Variants in PCDHA5 observed in about 807,000 individuals in gnomAD.
PCDHA5 encodes the protein protocadherin alpha 5, also known as protocadherin alpha-5.
In PCDHA5, 43 loss-of-function variants were observed where a neutral mutation model predicts 61.6. The observed-to-expected ratio is 0.70, with a 90% CI of 0.55 to 0.90. PCDHA5 has a LOEUF of 0.90. PCDHA5 is among the 40% of genes least tolerant of loss of function. The pLI is 0.00. For missense variants in PCDHA5, 1,298 were observed against 1,222.7 expected, an observed-to-expected ratio of 1.06 and a Z score of -0.92; for synonymous variants, 627 against 543.9, an observed-to-expected ratio of 1.15 and a Z score of -2.13.
intron 1 of PCDHA5, chr5:140,835,757 C>T (rs1467581889): frequency 2.5e-6 from 4 of 1,613,278 alleles, no homozygotes; most frequent in Admixed American, 1.7e-5. Context: ...TCGCGCAGCC[C>T]GAGTATACGG....
intron 1 of PCDHA5, chr5:140,929,314 G>A: frequency 6.4e-7 from 1 of 1,560,184 alleles, no homozygotes; most frequent in Non-Finnish European, 8.7e-7. Flanking sequence ...TCACGCTAAT[G>A]TCAATGCCAT....
intron 3 of PCDHA5, among the ~76,000 whole-genome samples, chr5:140,993,766 C>T (rs567978996): frequency 9.2e-5 from 14 of 152,082 alleles, no homozygotes; most frequent in African/African-American, 1.7e-4. Context: ...ATTACAATTG[C>T]GCAGTATTTT....
chr5:140,856,236 TC>T (rs1554148438), intron 1 of PCDHA5: 2 of 1,597,912 alleles, frequency 1.3e-6, no homozygotes, highest in East Asian at 2.2e-5. Context: ...CAGCGCCTGT[TC>T]CGGGTGGCGT....
intron 1 of PCDHA5, chr5:140,856,680 T>C: frequency 6.3e-7 from 1 of 1,596,810 alleles, no homozygotes. Context: ...AAGTTGTTGT[T>C]GACAGCAACT....
chr5:140,849,699 A>G, intron 1 of PCDHA5: 1 of 1,598,608 alleles, frequency 6.3e-7, no homozygotes, highest in Non-Finnish European at 8.6e-7. Flanking sequence ...GTCCACCTAC[A>G]AGAATTACTA....
At chr5:140,876,607 T>G (rs1480667665) in intron 1 of PCDHA5, 7 of 1,614,068 alleles carry the variant, frequency 4.3e-6, no homozygotes, top group Non-Finnish European at 5.9e-6. Flanking sequence ...GGATCGTGAC[T>G]CTGGAGCCAA....
At chr5:140,873,489 C>G (rs2054319766) in intron 1 of PCDHA5, among the ~76,000 whole-genome samples, 1 of 152,054 alleles carries the variant, frequency 6.6e-6, no homozygotes, top group Admixed American at 6.6e-5. Context: ...CTGATTTCTG[C>G]AAAGTTGTGT....
rs782513442 is a variant in PCDHA5 at position 140,877,300 on chromosome 5, G to C, written c.2352+53173G>C. 7 of 1,613,828 alleles carry C rather than the reference G, an allele frequency of 4.3e-6. No homozygotes were observed. The South Asian group carries it at 4.4e-5, about 10-fold the overall frequency. Reference sequence around the variant, plus strand: ...CGGCTATAACGCTTGGCTGTCCTACGAGTTGCAACCGGCGGCGGTCGGCGC... The same window carrying C: ...CGGCTATAACGCTTGGCTGTCCTACCAGTTGCAACCGGCGGCGGTCGGCGC... On this transcript the variant is annotated intron_variant, in intron 1 of 3. Transcript: ENST00000529859.
Position 140,823,265 on chromosome 5 carries a change from G to C in PCDHA5, c.1490G>C (p.Arg497Pro), listed in dbSNP as rs2150124128. The C allele has an allele frequency of 6.2e-7, 1 of 1,612,922 alleles. No homozygotes were observed. Among genetic ancestry groups the C allele is most frequent in the Admixed American group, 1.7e-5 (1 of 60,012 alleles). Residue 497 changes from arginine to proline, a missense_variant, in exon 1 of 4, where the codon CGG becomes CCG. Transcript: ENST00000529859. ...GTGTCCTACTCGCTGGTGGAGCGGC[G>C]GGTGGGCGAGCGCCCGCTGTCGAGT... ...ALVSYSLVER[R>P]VGERPLSSYV... is the part of the protein sequence containing the mutation.
chr5:140,925,878 ACCT>A (rs1554202987), intron 1 of PCDHA5, among the ~76,000 whole-genome samples: 1 of 151,658 alleles, frequency 6.6e-6, no homozygotes. Flanking sequence ...CTGGTTTATA[ACCT>A]CCTCTTTCAC....
chr5:140,843,940 T>C (rs1562418437), intron 1 of PCDHA5: 1 of 573,848 alleles, frequency 1.7e-6, no homozygotes, highest in South Asian at 2.4e-5. Flanking sequence ...TATGGTTGGA[T>C]GATATCCATT....
At chr5:140,829,711 G>A (rs2150173108) in intron 1 of PCDHA5, 1 of 1,613,342 alleles carries the variant, frequency 6.2e-7, no homozygotes, top group Admixed American at 1.7e-5. Flanking sequence ...CGCGCGACGC[G>A]GGCGTGCCGC....
Position 140,852,095 on chromosome 5 carries a change from A to T in PCDHA5, c.2352+27968A>T. The stretch of plus-strand genomic sequence containing the variant: ...CAGCTATTTTATTTAATATTGTGTC[A>T]GATATTTTACAAGGTATGACCTAAT... On this transcript the variant is annotated intron_variant, in intron 1 of 3. Transcript: ENST00000529859. 16 of 908,222 alleles carry T rather than the reference A, an allele frequency of 1.8e-5. 1 individual carries two copies. Among genetic ancestry groups the T allele is most frequent in the Non-Finnish European group, 2.1e-5 (16 of 745,934 alleles). The allele number at this position is 908,222 out of a possible 1,614,324, so 56.3% of individuals were successfully genotyped here.
At chr5:140,969,606 C>T (rs2096345912) in intron 1 of PCDHA5, 1 of 758,598 alleles carries the variant, frequency 1.3e-6, no homozygotes, top group South Asian at 2.1e-5. Context: ...AATGCTAAAA[C>T]ACAGATTTGT....
At chr5:140,921,998 A>G (rs1247902071) in intron 1 of PCDHA5, among the ~76,000 whole-genome samples, 3 of 152,206 alleles carry the variant, frequency 2.0e-5, no homozygotes, top group African/African-American at 7.2e-5. Flanking sequence ...AGTTCAATGA[A>G]ATGATTAGTT....
Position 140,828,034 on chromosome 5 carries a change from A to G in PCDHA5, c.2352+3907A>G, listed in dbSNP as rs1202168939. Reference sequence around the variant, plus strand: ...TGGATTAATAAATTCCGGAACATACAGTATTTTATCTTTATGCGGAAGATC... The same window carrying G: ...TGGATTAATAAATTCCGGAACATACGGTATTTTATCTTTATGCGGAAGATC... On this transcript the variant is annotated intron_variant, in intron 1 of 3. Transcript: ENST00000529859. The G allele has an allele frequency of 8.5e-6, 13 of 1,527,214 alleles. No individual in the cohort carries two copies. In the South Asian group the frequency reaches 9.2e-5, roughly 11 times the overall value. 94.6% of individuals were successfully genotyped at this position (1,527,214 alleles called of 1,614,324 possible). A position where few individuals can be genotyped will look rare whatever the true frequency, so the allele number is the denominator to read the frequency against.
At chr5:140,865,420 C>T (rs998161335) in intron 1 of PCDHA5, 2 of 152,258 alleles carry the variant, frequency 1.3e-5, no homozygotes, top group South Asian at 2.1e-4. Context: ...TTAGTAGTGT[C>T]TACCTAGAAA....
rs2042521817 is a variant in PCDHA5, at chr5:140,852,899, GTC to G, written c.2352+28773_2352+28774del. 441 of 840,720 alleles carry G rather than the reference GTC, an allele frequency of 5.2e-4. 11 individuals are homozygous for G. In the South Asian group the frequency reaches 0.021, roughly 39 times the overall value. The allele number at this position is 840,720 out of a possible 1,614,324, so 52.1% of individuals were successfully genotyped here. A position where few individuals can be genotyped will look rare whatever the true frequency, so the allele number is the denominator to read the frequency against. On this transcript the variant is annotated intron_variant, in intron 1 of 3. Coordinates refer to ENST00000529859, the MANE Select transcript of PCDHA5 (RefSeq NM_018908.3). ...TCATAAAACGTATTTTTTTTTTTGAGTCAGAGTCTCGCTCTGTTGCCCAGGCT... is the reference window on the plus strand; with the variant it reads ...TCATAAAACGTATTTTTTTTTTTGAGAGAGTCTCGCTCTGTTGCCCAGGCT...
chr5:140,916,831 G>A (rs1038292722), intron 1 of PCDHA5, among the ~76,000 whole-genome samples: 22 of 152,082 alleles, frequency 1.4e-4, no homozygotes, highest in Non-Finnish European at 2.9e-4. Context: ...CTATCCCTCT[G>A]GTTCTGAGCC....
Sources: allele counts gnomAD v4.1 joint callset (sites outside exome capture counted in the v4.1 genomes callset), GRCh38; gene constraint gnomAD v4.1.1; transcripts MANE v1.5; gene names NCBI Gene and HGNC (gene_info 2026-07-23, HGNC 2026-07-21).